The following CABIN1 variants were observed in gnomAD, a reference collection of about 807,000 sequenced individuals.
The protein encoded by CABIN1 is calcineurin binding protein 1.
Under a neutral mutation model 227.7 loss-of-function variants are expected in CABIN1, and 133 were observed. The observed-to-expected ratio is 0.58, with a 90% confidence interval of 0.51 to 0.67. The LOEUF (loss-of-function observed/expected upper bound fraction) is 0.67, where lower values mean the gene tolerates loss of function less well. Among genes scored for constraint, CABIN1 ranks in the 30% least tolerant of loss-of-function variants. The pLI is 0.00. For missense variants in CABIN1, 2,408 were observed against 2,852.5 expected, an observed-to-expected ratio of 0.84 and a Z score of 3.55; for synonymous variants, 1,086 against 1,155.1, an observed-to-expected ratio of 0.94 and a Z score of 1.21.
intron 26 of CABIN1, among the ~76,000 whole-genome samples, chr22:24,105,833 G>A (rs2042480707): frequency 6.6e-6 from 1 of 152,242 alleles, no homozygotes; most frequent in South Asian, 2.1e-4. Flanking sequence ...ATTAGGCGAG[G>A]CAGGAGAACA....
intron 6 of CABIN1, among the ~76,000 whole-genome samples, chr22:24,047,288 T>C (rs1452525264): frequency 1.3e-5 from 2 of 152,128 alleles, no homozygotes; most frequent in Admixed American, 1.3e-4. Context: ...TTGATATGAG[T>C]AGGGAGGGAT....
chr22:24,096,070 A>G lies in CABIN1; in HGVS notation c.3926A>G (p.Lys1309Arg), dbSNP rs770796675. The change falls in exon 25 of 37, where the codon AAA becomes AGA. Residue 1309 changes from lysine (K) to arginine (R), a missense_variant. Lys to Arg is a conservative substitution (Grantham distance 26). This residue lies in a region of CABIN1 where 649 missense variants were observed against 910.3 expected (regional missense o/e 0.71). Coordinates refer to ENST00000263119, the MANE Select transcript of CABIN1 (RefSeq NM_012295.4). Reference protein sequence around the residue: ...FARGEEKNTPKASEKEKACLV... With the variant: ...FARGEEKNTPRASEKEKACLV... ...AGGGGCGAGGAGAAGAACACACCCA[A>G]AGCTTCAGAAAAGTGAGTAGCACCC... 3 of 1,614,122 alleles carry G rather than the reference A, an allele frequency of 1.9e-6. No homozygotes were observed. The highest frequency in any genetic ancestry group is 1.7e-4 in the Middle Eastern group (1 of 6,058).
At position 24,167,090 on chromosome 22, in the gene CABIN1, C is replaced by T. The variant is rs914819479; in HGVS notation, c.5459C>T (p.Pro1820Leu). ...PTPLTPAQPAPAPAPATTTGT... is the reference protein window; with the variant it reads ...PTPLTPAQPALAPAPATTTGT... The stretch of plus-strand genomic sequence containing the variant: ...CCGCTCACCCCAGCCCAGCCAGCCC[C>T]CGCCCCCGCCCCCGCCACCACCACA... Residue 1820 changes from proline to leucine, a missense_variant, in exon 32 of 37, where the codon CCC becomes CTC. Around this residue, in one of 3 missense-constraint regions of CABIN1, gnomAD observed 714 missense variants for 773.8 expected, o/e 0.92. Transcript: ENST00000263119. The T allele has an allele frequency of 3.9e-6, 6 of 1,544,382 alleles. No individual in the cohort carries two copies. The African/African-American group carries it at 8.2e-5, about 21-fold the overall frequency.
intron 29 of CABIN1, among the ~76,000 whole-genome samples, chr22:24,149,243 C>T (rs1335604329): frequency 6.6e-6 from 1 of 152,246 alleles, no homozygotes; most frequent in Non-Finnish European, 1.5e-5. Flanking sequence ...AGGCTCCAAT[C>T]CTGACCTGAG....
chr22:24,107,577 C>T (rs768741267), intron 26 of CABIN1, among the ~76,000 whole-genome samples: 33 of 152,326 alleles, frequency 2.2e-4, no homozygotes, highest in Middle Eastern at 6.8e-3. Context: ...CACAGCATGC[C>T]GTCCTTTCTT....
At chr22:24,103,236 A>G (rs1465337267) in intron 26 of CABIN1, 1 of 152,072 alleles carries the variant, frequency 6.6e-6, no homozygotes, top group Non-Finnish European at 1.5e-5. Flanking sequence ...CCAGAGGCAG[A>G]TGCGGTGGGG....
chr22:24,042,861 TG>T, intron 5 of CABIN1, 42 bp from the exon 6 acceptor site: 1 of 1,190,180 alleles, frequency 8.4e-7, no homozygotes, highest in South Asian at 1.2e-5. Flanking sequence ...TGTGTGTGTG[TG>T]TGTGTGTGTG....
At chr22:24,101,179 A>G (rs2042182642) in intron 26 of CABIN1, among the ~76,000 whole-genome samples, 1 of 152,232 alleles carries the variant, frequency 6.6e-6, no homozygotes, top group Non-Finnish European at 1.5e-5. Flanking sequence ...TTCCTTGGGC[A>G]TGGTTAGGAG....
intron 3 of CABIN1, among the ~76,000 whole-genome samples, chr22:24,038,111 T>C (rs906230216): frequency 8.5e-5 from 13 of 152,126 alleles, no homozygotes; most frequent in Non-Finnish European, 2.9e-5. Context: ...CCCTGCCCTT[T>C]AGGGTTTTTA....
chr22:24,035,224 T>C (rs1467383875), intron 1 of CABIN1, among the ~76,000 whole-genome samples: 1 of 152,174 alleles, frequency 6.6e-6, no homozygotes, highest in Non-Finnish European at 1.5e-5. Context: ...CTCACTCTTT[T>C]GTGTGCCTGG....
chr22:24,168,465 C>T lies in CABIN1; in HGVS notation c.5701C>T (p.Leu1901=). The stretch of plus-strand genomic sequence containing the variant: ...TGTTAAGGTGGATGAGGAGGCTGCG[C>T]TGGAGCAGGCTGTGAAGTTCTGCCA... ...LIKQVDEEAA[L]EQAVKFCQVH... The change falls in exon 33 of 37, where the codon CTG becomes TTG. Residue 1901 remains leucine, a synonymous_variant. Transcript: ENST00000263119. 2 of 1,571,542 alleles carry T rather than the reference C, an allele frequency of 1.3e-6. No individual in the cohort carries two copies. The highest frequency in any genetic ancestry group is 2.3e-5 in the South Asian group (2 of 85,668).
At chr22:24,176,856 C>T (rs1232841872) in intron 35 of CABIN1, among the ~76,000 whole-genome samples, 1 of 152,358 alleles carries the variant, frequency 6.6e-6, no homozygotes, top group South Asian at 2.1e-4. Flanking sequence ...CAGGACCTGG[C>T]GCCAGCCCCT....
At chr22:24,038,294 T>TA in intron 3 of CABIN1, 54 bp from the exon 4 acceptor site, 2 of 1,487,682 alleles carry the variant, frequency 1.3e-6, no homozygotes, top group Non-Finnish European at 9.4e-7. Context: ...ATTTTTGGCT[T>TA]AAAAAAGACA....
intron 6 of CABIN1, among the ~76,000 whole-genome samples, chr22:24,047,255 A>G (rs1234719329): frequency 6.6e-6 from 1 of 152,060 alleles, no homozygotes; most frequent in Admixed American, 6.5e-5. Flanking sequence ...TGTTAAATTG[A>G]CTCTCAGTGG....
At chr22:24,090,434 T>A (rs1460451804) in intron 23 of CABIN1, among the ~76,000 whole-genome samples, 1 of 152,184 alleles carries the variant, frequency 6.6e-6, no homozygotes, top group African/African-American at 2.4e-5. Flanking sequence ...TGGAGTCACT[T>A]GGTTGGTCCC....
chr22:24,064,532 T>A (rs1331686156), intron 15 of CABIN1, among the ~76,000 whole-genome samples: 1 of 150,230 alleles, frequency 6.7e-6, no homozygotes, highest in Non-Finnish European at 1.5e-5. Flanking sequence ...TTTTTTTTTT[T>A]TTTATTGATC....
intron 28 of CABIN1, among the ~76,000 whole-genome samples, chr22:24,128,271 A>G (rs2043857810): frequency 8.3e-6 from 1 of 119,916 alleles, no homozygotes; most frequent in African/African-American, 3.2e-5. Flanking sequence ...TGATTGCATG[A>G]CTTCTAATGC....
chr22:24,072,710 G>A (rs554706420), intron 18 of CABIN1, among the ~76,000 whole-genome samples, 200 bp downstream of exon 18: 3 of 152,338 alleles, frequency 2.0e-5, no homozygotes, highest in East Asian at 1.9e-4. Context: ...CAGTGGGCAC[G>A]GGAGGCCTGG....
intron 23 of CABIN1, among the ~76,000 whole-genome samples, chr22:24,088,295 T>C (rs902412847): frequency 3.2e-4 from 49 of 152,128 alleles, no homozygotes; most frequent in Admixed American, 2.4e-3. Context: ...CCGCCTCCTC[T>C]TTAACATTAC....
Sources: gnomAD v4.1 joint callset for allele counts (sites outside exome capture counted in the v4.1 genomes callset) on GRCh38, gnomAD v4.1.1 for gene constraint, gnomAD v4.1.1 regional missense constraint, MANE v1.5 for transcripts, NCBI Gene and HGNC (gene_info 2026-07-23, HGNC 2026-07-21) for gene names.